Variants in SLC35E1 observed in about 807,000 individuals in gnomAD.
SLC35E1 encodes solute carrier family 35 member E1.
A neutral mutation model predicts 31.0 loss-of-function variants in SLC35E1; 12 were observed. The ratio of observed to expected loss-of-function variants is 0.39; its 90% CI spans 0.25 to 0.63. The LOEUF (loss-of-function observed/expected upper bound fraction) is 0.63, where lower values mean the gene tolerates loss of function less well. Among genes scored for constraint, SLC35E1 ranks in the 20% least tolerant of loss-of-function variants. SLC35E1 has a pLI of 0.52. For missense variants in SLC35E1, 429 were observed against 572.2 expected (o/e 0.75, Z 2.55); for synonymous variants, 257 against 264.1 (o/e 0.97, Z 0.26).
chr19:16,568,225 T>C (rs2122348347), intron 2 of SLC35E1, 56 bp from the exon 3 acceptor site: 25 of 1,525,866 alleles, frequency 1.6e-5, no homozygotes, highest in Non-Finnish European at 2.2e-5. Context: ...CTGGGCCACA[T>C]GCCACAGATG....
Position 16,553,452 on chromosome 19 carries a change from G to T in SLC35E1, c.*227C>A. On this transcript the variant is annotated 3_prime_UTR_variant, in exon 6 of 6. Coordinates refer to ENST00000595753, the MANE Select transcript of SLC35E1 (RefSeq NM_024881.5). ...GACAGACTCCAGGAAGAAAGAGCAT[G>T]AGACACTGGTCTCTGTTTAGGTTTG... The T allele has an allele frequency of 2.7e-6, 1 of 373,482 alleles. No individual in the cohort carries two copies. The highest frequency in any genetic ancestry group is 4.8e-6 in the Non-Finnish European group (1 of 209,160). The allele number at this position is 373,482 out of a possible 1,614,324, so 23.1% of individuals were successfully genotyped here.
chr19:16,553,591 T>A lies in SLC35E1; in HGVS notation c.*88A>T. ...TTATGCACCGTCCCCTCGGCTGGGT[T>A]GTACATTCACTGATTGTCAGAAGTT... On this transcript the variant is annotated 3_prime_UTR_variant, in exon 6 of 6. Coordinates refer to ENST00000595753, the MANE Select transcript of SLC35E1 (RefSeq NM_024881.5). 1.2e-5 allele frequency: 15 copies of A among 1,252,090 alleles called. No homozygotes were observed. The highest frequency in any genetic ancestry group is 1.6e-5 in the Non-Finnish European group (15 of 921,424). 77.6% of individuals were successfully genotyped at this position (1,252,090 alleles called of 1,614,324 possible).
rs1368019193 is a variant in SLC35E1, at chr19:16,550,773, ATG to A, written c.*2904_*2905del. ...ATGTGGACCTTCAAGTCTCAGAAAT[ATG>A]TGTTTGTCTTTTGATCTGCTGATTT... On this transcript the variant is annotated 3_prime_UTR_variant, in exon 6 of 6. Coordinates refer to ENST00000595753, the MANE Select transcript of SLC35E1 (RefSeq NM_024881.5). The A allele has an allele frequency of 4.6e-5, 7 of 152,138 alleles. No individual in the cohort carries two copies. Among genetic ancestry groups the A allele is most frequent in the South Asian group, 4.1e-4 (2 of 4,844 alleles). 9.4% of individuals were successfully genotyped at this position (152,138 alleles called of 1,614,324 possible). A position where few individuals can be genotyped will look rare whatever the true frequency, so the allele number is the denominator to read the frequency against.
chr19:16,561,524 C>T (rs2085906490), intron 4 of SLC35E1, among the ~76,000 whole-genome samples: 1 of 152,194 alleles, frequency 6.6e-6, no homozygotes, highest in Non-Finnish European at 1.5e-5. Flanking sequence ...CTGCTTCATG[C>T]ATTCTGTCCA....
chr19:16,563,919 G>C (rs1365477882), intron 4 of SLC35E1, among the ~76,000 whole-genome samples: 1 of 152,180 alleles, frequency 6.6e-6, no homozygotes, highest in Non-Finnish European at 1.5e-5. Flanking sequence ...ACTAAGAAAC[G>C]AGGAGCGGAA....
chr19:16,567,559 G>C (rs1005189229), intron 3 of SLC35E1, among the ~76,000 whole-genome samples: 4 of 152,048 alleles, frequency 2.6e-5, no homozygotes, highest in Non-Finnish European at 1.5e-5. Context: ...CTTTATAATA[G>C]AAAAACTTTT....
chr19:16,551,028 T>C lies in SLC35E1; in HGVS notation c.*2651A>G, dbSNP rs2085842610. The C allele has an allele frequency of 6.6e-6, 1 of 152,164 alleles. No homozygotes were observed. 9.4% of individuals were successfully genotyped at this position (152,164 alleles called of 1,614,324 possible). ...TCGAATTCATTTTGGAGTTCAATAA[T>C]ATGTTCAAAGAATCAGGTACTATAT... On this transcript the variant is annotated 3_prime_UTR_variant, in exon 6 of 6. Coordinates refer to ENST00000595753, the MANE Select transcript of SLC35E1 (RefSeq NM_024881.5).
chr19:16,569,138 C>T (rs1056321290), intron 2 of SLC35E1, among the ~76,000 whole-genome samples: 1 of 152,154 alleles, frequency 6.6e-6, no homozygotes, highest in Non-Finnish European at 1.5e-5. Context: ...GATTCTTCTG[C>T]CTCAGCTTTC....
rs906324799 is a variant in SLC35E1, at chr19:16,550,381, A to T, written c.*3298T>A. 1.3e-5 allele frequency: 2 copies of T among 152,468 alleles called. No homozygotes were observed. Among genetic ancestry groups the T allele is most frequent in the African/African-American group, 4.8e-5 (2 of 41,434 alleles). The allele number at this position is 152,468 out of a possible 1,614,324, so 9.4% of individuals were successfully genotyped here. A position where few individuals can be genotyped will look rare whatever the true frequency, so the allele number is the denominator to read the frequency against. ...GCAGGCCTGCAGATGAAAGCGTGGG[A>T]GTGGAGCATGTGGGGCGGGCACTGT... On this transcript the variant is annotated 3_prime_UTR_variant, in exon 6 of 6. Transcript: ENST00000595753.
At chr19:16,565,361 C>T in intron 4 of SLC35E1, 2 of 325,356 alleles carry the variant, frequency 6.1e-6, no homozygotes. Context: ...CAGGCGTGCA[C>T]CACCACGCCT....
rs1358091177 is a variant in SLC35E1 at position 16,550,938 on chromosome 19, T to C, written c.*2741A>G. On this transcript the variant is annotated 3_prime_UTR_variant, in exon 6 of 6. Coordinates refer to ENST00000595753, the MANE Select transcript of SLC35E1 (RefSeq NM_024881.5). ...TTTCCCGTCACCAGCAGATCTTGCA[T>C]TGGAAAAGGAAAATAATATACAAAT... 3 of 152,182 alleles carry C rather than the reference T, an allele frequency of 2.0e-5. No individual in the cohort carries two copies. The highest frequency in any genetic ancestry group is 4.4e-5 in the Non-Finnish European group (3 of 68,038). The allele number at this position is 152,182 out of a possible 1,614,324, so 9.4% of individuals were successfully genotyped here. A position where few individuals can be genotyped will look rare whatever the true frequency, so the allele number is the denominator to read the frequency against.
At chr19:16,564,983 T>C (rs997882333) in intron 4 of SLC35E1, 7 of 374,654 alleles carry the variant, frequency 1.9e-5, no homozygotes, top group African/African-American at 1.1e-4. Context: ...GGATTAAAGA[T>C]AAGAAATGTC....
intron 4 of SLC35E1, among the ~76,000 whole-genome samples, chr19:16,559,181 T>C (rs1484428202): frequency 6.6e-6 from 1 of 151,810 alleles, no homozygotes; most frequent in African/African-American, 2.4e-5. Context: ...CCAGGCATGG[T>C]GGCAGGCGCC....
Position 16,553,441 on chromosome 19 carries a change from A to C in SLC35E1, c.*238T>G. On this transcript the variant is annotated 3_prime_UTR_variant, in exon 6 of 6. Coordinates refer to ENST00000595753, the MANE Select transcript of SLC35E1 (RefSeq NM_024881.5). ...GGCCCTCAGATGACAGACTCCAGGA[A>C]GAAAGAGCATGAGACACTGGTCTCT... is the stretch of plus-strand genomic sequence containing the variant. The C allele has an allele frequency of 2.8e-6, 1 of 352,058 alleles. No individual in the cohort carries two copies. Among genetic ancestry groups the C allele is most frequent in the Non-Finnish European group, 5.1e-6 (1 of 195,986 alleles). The allele number at this position is 352,058 out of a possible 1,614,324, so 21.8% of individuals were successfully genotyped here.
At chr19:16,561,240 A>AAAAAAAAAAAAAG (rs1568273090) in intron 4 of SLC35E1, among the ~76,000 whole-genome samples, 2 of 128,762 alleles carry the variant, frequency 1.6e-5, no homozygotes, top group African/African-American at 6.6e-5. Context: ...AAAAAAAAAA[A>AAAAAAAAAAAAAG]AAAGAAAGAA....
In SLC35E1 at chr19:16,571,928, C is replaced by G. The variant is rs1290378633; in HGVS notation, c.421+16G>C. ...CGGGCCCGGCCGCCGCCCCCGAGGC[C>G]GGGCGCGGAACCTACCGGTGTGTGC... is the stretch of plus-strand genomic sequence containing the variant. On this transcript the variant is annotated intron_variant, in intron 1 of 5. Transcript: ENST00000595753. 34 of 1,533,972 alleles carry G rather than the reference C, an allele frequency of 2.2e-5. No homozygotes were observed. Among genetic ancestry groups the G allele is most frequent in the Non-Finnish European group, 2.9e-5 (33 of 1,139,854 alleles).
intron 4 of SLC35E1, among the ~76,000 whole-genome samples, chr19:16,559,132 A>G (rs1470585639): frequency 6.6e-6 from 1 of 151,912 alleles, no homozygotes; most frequent in Non-Finnish European, 1.5e-5. Context: ...CCTGGCCAAC[A>G]TGGTGAAACC....
Position 16,572,107 on chromosome 19 carries a change from C to T in SLC35E1, c.258G>A (p.Pro86=), listed in dbSNP as rs1444411596. The change falls in exon 1 of 6, where the codon CCG becomes CCA. Residue 86 remains proline, a synonymous_variant. Transcript: ENST00000595753. The surrounding 1 kb of genome is among the most constrained non-coding windows in gnomAD (Gnocchi z 4.1). The stretch of plus-strand genomic sequence containing the variant: ...GACTGGGTCCGGGGCCCGAGACGGG[C>T]GGCGCGGGGGGCACGCGCCAGGCGC... The part of the protein sequence containing the change: ...LLRAWRVPPA[P]PVSGPGPSPH... 2.0e-6 allele frequency: 3 copies of T among 1,513,038 alleles called. No homozygotes were observed. The South Asian group carries it at 3.7e-5, about 19-fold the overall frequency. The allele number at this position is 1,513,038 out of a possible 1,614,324, so 93.7% of individuals were successfully genotyped here.
At chr19:16,554,447 G>A (rs551790657) in intron 5 of SLC35E1, among the ~76,000 whole-genome samples, 28 of 152,270 alleles carry the variant, frequency 1.8e-4, no homozygotes, top group African/African-American at 6.7e-4. Context: ...GGGAGGCCTA[G>A]GCGGGAGGAT....
Sources: allele counts gnomAD v4.1 joint callset (sites outside exome capture counted in the v4.1 genomes callset), GRCh38; gene constraint gnomAD v4.1.1; non-coding constraint Gnocchi (gnomAD v3.1); transcripts MANE v1.5; gene names NCBI Gene and HGNC (gene_info 2026-07-23, HGNC 2026-07-21).